FAF1: variants seen among roughly 807,000 people sequenced by gnomAD.
The protein encoded by FAF1 is Fas associated factor 1, also known as FAS-associated factor 1.
A neutral mutation model predicts 92.5 loss-of-function variants in FAF1; 25 were observed. That is an observed-to-expected ratio of 0.27 (90% CI 0.20 to 0.38). The LOEUF (loss-of-function observed/expected upper bound fraction) is 0.38. Among genes scored for constraint, FAF1 ranks in the 10% least tolerant of loss-of-function variants. FAF1 has a pLI of 1.00. For synonymous variants in FAF1, 234 were observed against 273.2 expected (o/e 0.86, Z 1.42); for missense variants, 636 against 793.3 (o/e 0.80, Z 2.38).
chr1:50,781,540 A>G (rs1661179895), intron 4 of FAF1, among the ~76,000 whole-genome samples: 1 of 152,168 alleles, frequency 6.6e-6, no homozygotes, highest in Non-Finnish European at 1.5e-5. Context: ...AAAAACAGAC[A>G]CCAACATACT....
chr1:50,474,975 T>C (rs923251487), intron 18 of FAF1, among the ~76,000 whole-genome samples: 2 of 152,228 alleles, frequency 1.3e-5, no homozygotes, highest in African/African-American at 4.8e-5. Flanking sequence ...TGTGCTGTAA[T>C]GCAAGCACAC....
intron 2 of FAF1, among the ~76,000 whole-genome samples, chr1:50,805,463 T>A (rs1260388094): frequency 6.6e-6 from 1 of 152,144 alleles, no homozygotes; most frequent in Non-Finnish European, 1.5e-5. Context: ...ATGTCAGAGA[T>A]GACCAAAGGA....
At chr1:50,643,809 T>G (rs1027827780) in intron 8 of FAF1, among the ~76,000 whole-genome samples, 5 of 152,126 alleles carry the variant, frequency 3.3e-5, no homozygotes, top group Non-Finnish European at 7.4e-5. Flanking sequence ...GCCAGGCTGG[T>G]CTCAAACTCC....
chr1:50,907,804 G>A (rs1644852474), intron 1 of FAF1, among the ~76,000 whole-genome samples: 1 of 151,694 alleles, frequency 6.6e-6, no homozygotes, highest in East Asian at 1.9e-4. Context: ...CAATTTTGCT[G>A]ATCTTTTCAA....
intron 2 of FAF1, among the ~76,000 whole-genome samples, chr1:50,839,741 A>G (rs928451158): frequency 6.6e-6 from 1 of 152,138 alleles, no homozygotes; most frequent in Admixed American, 6.5e-5. Flanking sequence ...AAATATCTGG[A>G]CATGCCACAC....
At chr1:50,892,157 C>T (rs1273608950) in intron 1 of FAF1, among the ~76,000 whole-genome samples, 1 of 152,180 alleles carries the variant, frequency 6.6e-6, no homozygotes, top group Non-Finnish European at 1.5e-5. Context: ...CCCTCCAAGC[C>T]AGGAGTGGGA....
intron 1 of FAF1, among the ~76,000 whole-genome samples, chr1:50,928,919 A>G (rs1044683905): frequency 4.0e-5 from 6 of 151,896 alleles, no homozygotes; most frequent in Admixed American, 2.6e-4. Context: ...CCCCATCTCT[A>G]TTAAACATCC....
chr1:50,919,644 C>A (rs540755024), intron 1 of FAF1, among the ~76,000 whole-genome samples: 1 of 152,022 alleles, frequency 6.6e-6, no homozygotes, highest in Non-Finnish European at 1.5e-5. Flanking sequence ...CCTGACACCA[C>A]GTCTGGCTAA....
At chr1:50,729,054 A>ATT (rs1364447973) in intron 6 of FAF1, among the ~76,000 whole-genome samples, 15 of 97,836 alleles carry the variant, frequency 1.5e-4, no homozygotes, top group Non-Finnish European at 2.3e-4. Flanking sequence ...ATATATATAT[A>ATT]TATATTTTTT....
At chr1:50,544,669 A>G (rs1648924102) in intron 13 of FAF1, among the ~76,000 whole-genome samples, 1 of 152,190 alleles carries the variant, frequency 6.6e-6, no homozygotes, top group Non-Finnish European at 1.5e-5. Flanking sequence ...GTAAACTCCA[A>G]TCTGATCTGA....
intron 6 of FAF1, among the ~76,000 whole-genome samples, chr1:50,708,970 CAAA>C: frequency 6.6e-6 from 1 of 152,254 alleles, no homozygotes; most frequent in African/African-American, 2.4e-5. Flanking sequence ...AAATGAGGCT[CAAA>C]CAATAGATGG....
intron 12 of FAF1, among the ~76,000 whole-genome samples, chr1:50,580,077 T>C (rs921351756): frequency 6.6e-6 from 1 of 152,104 alleles, no homozygotes; most frequent in Non-Finnish European, 1.5e-5. Context: ...CAAAAAATAA[T>C]AAATATACAG....
chr1:50,505,295 A>C (rs1647046001), intron 15 of FAF1, among the ~76,000 whole-genome samples: 2 of 152,156 alleles, frequency 1.3e-5, no homozygotes, highest in South Asian at 4.1e-4. Flanking sequence ...GAAATTCCTT[A>C]CACAGGAACA....
At chr1:50,585,896 A>AG in intron 9 of FAF1, among the ~76,000 whole-genome samples, 1 of 150,594 alleles carries the variant, frequency 6.6e-6, no homozygotes, top group East Asian at 1.9e-4. Flanking sequence ...AAAAAAAAAA[A>AG]AAAAAGAAAA....
intron 1 of FAF1, among the ~76,000 whole-genome samples, chr1:50,917,897 T>C (rs1402005845): frequency 6.6e-6 from 1 of 152,132 alleles, no homozygotes; most frequent in Non-Finnish European, 1.5e-5. Context: ...AAAAAAGCCA[T>C]ACTCAAAACA....
chr1:50,441,205 A>T lies in FAF1; in HGVS notation c.*235T>A, dbSNP rs1386261871. 1 of 417,216 alleles carries T rather than the reference A, an allele frequency of 2.4e-6. No individual in the cohort carries two copies. The highest frequency in any genetic ancestry group is 4.3e-6 in the Non-Finnish European group (1 of 233,750). The allele number at this position is 417,216 out of a possible 1,614,324, so 25.8% of individuals were successfully genotyped here. On this transcript the variant is annotated 3_prime_UTR_variant, in exon 19 of 19. Coordinates refer to ENST00000396153, the MANE Select transcript of FAF1 (RefSeq NM_007051.3). Reference sequence around the variant, plus strand: ...TGAAGGAGGGTGAAGTGCAGGGGGTAGGGGAGGGTGGCAGAGTTGTAATTC... The same window carrying T: ...TGAAGGAGGGTGAAGTGCAGGGGGTTGGGGAGGGTGGCAGAGTTGTAATTC...
rs1190960828 is a variant in FAF1 at position 50,617,629 on chromosome 1, G to GATT, written c.745-21416_745-21414dup. Among the ~76,000 whole-genome samples, 13 of 150,186 alleles carry GATT rather than the reference G, an allele frequency of 8.7e-5. No individual in the cohort carries two copies. In the East Asian group the frequency reaches 2.4e-3, roughly 27 times the overall value. On this transcript the variant is annotated intron_variant, in intron 8 of 18. Coordinates refer to ENST00000396153, the MANE Select transcript of FAF1 (RefSeq NM_007051.3). ...TTCTCTTTCTTTATGGTCTCTGCCA[G>GATT]ATTATAGTATTAGGGTGACGCTGGC...
intron 1 of FAF1, among the ~76,000 whole-genome samples, chr1:50,890,405 T>C (rs1012506260): frequency 2.6e-4 from 39 of 152,362 alleles, no homozygotes; most frequent in Admixed American, 2.4e-3. Flanking sequence ...CCTGTCATTA[T>C]GATGTTAGCT....
In FAF1 at chr1:50,923,625, A is replaced by T. The variant is rs375955277; in HGVS notation, c.45+36142T>A. ...TCAAAACCAGGCAAGAACACAACAA[A>T]AAAAGAAAACTACAGGTCAATATCC... On this transcript the variant is annotated intron_variant, in intron 1 of 18. Coordinates refer to ENST00000396153, the MANE Select transcript of FAF1 (RefSeq NM_007051.3). 1.8e-4 allele frequency among the ~76,000 whole-genome samples: 28 copies of T among 152,278 alleles called. No homozygotes were observed. The South Asian group carries it at 4.6e-3, about 25-fold the overall frequency.
Sources: gnomAD v4.1 joint callset for allele counts (sites outside exome capture counted in the v4.1 genomes callset) on GRCh38, gnomAD v4.1.1 for gene constraint, MANE v1.5 for transcripts, NCBI Gene and HGNC (gene_info 2026-07-23, HGNC 2026-07-21) for gene names.